FBXO47: variants seen among roughly 807,000 people sequenced by gnomAD.
FBXO47 encodes the protein F-box only protein 47.
Under a neutral mutation model 53.9 loss-of-function variants are expected in FBXO47, and 34 were observed. That is an observed-to-expected ratio of 0.63 (90% CI 0.48 to 0.84). FBXO47 has a LOEUF of 0.84. Among genes scored for constraint, FBXO47 ranks in the 40% least tolerant of loss-of-function variants. FBXO47 has a pLI of 0.00. For missense variants in FBXO47, 485 were observed against 541.3 expected (o/e 0.90, Z 1.03); for synonymous variants, 165 against 181.6 (o/e 0.91, Z 0.73).
intron 4 of FBXO47, among the ~76,000 whole-genome samples, chr17:38,956,633 C>T (rs1363058086): frequency 6.6e-6 from 1 of 151,238 alleles, no homozygotes; most frequent in African/African-American, 2.4e-5. Context: ...TCAGAAACAG[C>T]AGATACCACT....
intron 5 of FBXO47, among the ~76,000 whole-genome samples, chr17:38,952,152 C>T (rs975114693): frequency 5.9e-5 from 9 of 152,036 alleles, no homozygotes; most frequent in African/African-American, 2.4e-5. Context: ...CGGTGAAACC[C>T]CATCCCTACT....
rs1440942682 is a variant in FBXO47 at position 38,944,841 on chromosome 17, T to C, written c.793+119A>G. 7 of 768,396 alleles carry C rather than the reference T, an allele frequency of 9.1e-6. No homozygotes were observed. The Admixed American group carries it at 1.5e-4, about 16-fold the overall frequency. The allele number at this position is 768,396 out of a possible 1,614,324, so 47.6% of individuals were successfully genotyped here. On this transcript the variant is annotated intron_variant, in intron 7 of 10. Transcript: ENST00000378079. Reference sequence around the variant, plus strand: ...AGCCATGATCGCACCACTGTGTGCGTGCATGCATGTGTGTGTGTGTGTGTG... The same window carrying C: ...AGCCATGATCGCACCACTGTGTGCGCGCATGCATGTGTGTGTGTGTGTGTG...
At chr17:38,949,990 T>C (rs1905166456) in intron 6 of FBXO47, among the ~76,000 whole-genome samples, 1 of 152,198 alleles carries the variant, frequency 6.6e-6, no homozygotes, top group Admixed American at 6.6e-5. Context: ...GTTTATAGTA[T>C]ATTATTAAAT....
intron 5 of FBXO47, among the ~76,000 whole-genome samples, chr17:38,954,524 G>A (rs186293981): frequency 6.6e-6 from 1 of 151,846 alleles, no homozygotes; most frequent in African/African-American, 2.4e-5. Flanking sequence ...ACAGATACAC[G>A]CATGCACACA....
At position 38,954,822 on chromosome 17, in the gene FBXO47, T is replaced by C. The variant is rs1905468094; in HGVS notation, c.507+34A>G. ...TTCTATTTGTTATCAGTTCCAAAGG[T>C]ATCCCTTTTCTTCTCTGATTAAAAA... On this transcript the variant is annotated intron_variant, in intron 5 of 10. Transcript: ENST00000378079. 5 of 1,255,606 alleles carry C rather than the reference T, an allele frequency of 4.0e-6. No homozygotes were observed. The East Asian group carries it at 1.2e-4, about 29-fold the overall frequency. The allele number at this position is 1,255,606 out of a possible 1,614,324, so 77.8% of individuals were successfully genotyped here. A position where few individuals can be genotyped will look rare whatever the true frequency, so the allele number is the denominator to read the frequency against.
intron 7 of FBXO47, among the ~76,000 whole-genome samples, chr17:38,944,191 ATGTGTGTGTGTGTGTGTG>A (rs71141737): frequency 4.5e-5 from 6 of 133,612 alleles, no homozygotes; most frequent in Non-Finnish European, 6.3e-5. Context: ...CAAAAAAAAC[ATGTGTGTGTGTGTGTGTG>A]TGTGTGTGTG....
At chr17:38,959,863 C>T (rs1905741070) in intron 3 of FBXO47, among the ~76,000 whole-genome samples, 1 of 151,984 alleles carries the variant, frequency 6.6e-6, no homozygotes, top group Non-Finnish European at 1.5e-5. Context: ...TGTTAACATT[C>T]CTATGAGGGC....
intron 9 of FBXO47, among the ~76,000 whole-genome samples, chr17:38,941,621 TATA>T (rs1567714184): frequency 0.042 from 251 of 5,990 alleles, 1 homozygote; most frequent in African/African-American, 0.17. Context: ...AATATAATAT[TATA>T]TATATATATA....
At chr17:38,949,782 T>C (rs930177329) in intron 6 of FBXO47, among the ~76,000 whole-genome samples, 2 of 152,202 alleles carry the variant, frequency 1.3e-5, no homozygotes, top group African/African-American at 4.8e-5. Context: ...TTGCCCATGC[T>C]AGAATACTGT....
chr17:38,946,279 T>A (rs1217184273), intron 6 of FBXO47, among the ~76,000 whole-genome samples: 6 of 93,716 alleles, frequency 6.4e-5, no homozygotes, highest in South Asian at 3.6e-4. Context: ...TATATAAAAA[T>A]ATATATAAAT....
chr17:38,936,629 T>A lies in FBXO47; in HGVS notation c.*546A>T, dbSNP rs1368132996. On this transcript the variant is annotated 3_prime_UTR_variant, in exon 11 of 11. Transcript: ENST00000378079. ...TATAGACATATATGTATACTTTGTT[T>A]TTTATCCATTAGTTCATGTAAAACA... The A allele has an allele frequency of 6.6e-6, 1 of 152,256 alleles. No homozygotes were observed. The highest frequency in any genetic ancestry group is 2.4e-5 in the African/African-American group (1 of 41,410). The allele number at this position is 152,256 out of a possible 1,614,324, so 9.4% of individuals were successfully genotyped here.
At chr17:38,960,807 T>A (rs577499662) in intron 3 of FBXO47, among the ~76,000 whole-genome samples, 1 of 152,106 alleles carries the variant, frequency 6.6e-6, no homozygotes, top group South Asian at 2.1e-4. Flanking sequence ...AATTTTTGTA[T>A]CTTTAGTAGA....
intron 5 of FBXO47, among the ~76,000 whole-genome samples, chr17:38,953,416 G>A (rs975480462): frequency 6.6e-6 from 1 of 152,116 alleles, no homozygotes; most frequent in African/African-American, 2.4e-5. Context: ...CCTGAGGTCA[G>A]GAGTTTGAGA....
At position 38,962,930 on chromosome 17, in the gene FBXO47, G is replaced by A. The variant is rs367616216; in HGVS notation, c.96C>T (p.Gly32=). 9 of 1,613,246 alleles carry A rather than the reference G, an allele frequency of 5.6e-6. No individual in the cohort carries two copies. The highest frequency in any genetic ancestry group is 7.6e-6 in the Non-Finnish European group (9 of 1,179,376). The part of the protein sequence containing the change: ...RQTSCYSKTL[G]SGFQPISTFG... Reference sequence around the variant, plus strand: ...ATGTTGATATGGGTTGAAAGCCTGAGCCAAGGGTCTTGGAATAACAGCTGG... The same window carrying A: ...ATGTTGATATGGGTTGAAAGCCTGAACCAAGGGTCTTGGAATAACAGCTGG... Residue 32 remains glycine (G), a synonymous_variant, in exon 2 of 11, where the codon GGC becomes GGT. Coordinates refer to ENST00000378079, the MANE Select transcript of FBXO47 (RefSeq NM_001008777.3).
At chr17:38,937,831 C>A (rs1326059365) in intron 10 of FBXO47, among the ~76,000 whole-genome samples, 2 of 152,082 alleles carry the variant, frequency 1.3e-5, no homozygotes, top group African/African-American at 2.4e-5. Context: ...CCACGCCCAG[C>A]TAATTTTTTT....
At chr17:38,938,887 A>G (rs1265609370) in intron 9 of FBXO47, among the ~76,000 whole-genome samples, 155 bp from the exon 10 acceptor site, 2 of 152,226 alleles carry the variant, frequency 1.3e-5, no homozygotes, top group Non-Finnish European at 2.9e-5. Flanking sequence ...ATGCTCTTCT[A>G]TCTAATACTA....
chr17:38,963,938 A>T (rs1317115649), intron 1 of FBXO47, among the ~76,000 whole-genome samples: 1 of 151,000 alleles, frequency 6.6e-6, no homozygotes, highest in African/African-American at 2.4e-5. Context: ...CTGGGACTAC[A>T]GGCACAGAGC....
intron 9 of FBXO47, among the ~76,000 whole-genome samples, chr17:38,942,494 T>G (rs1904554291): frequency 6.6e-6 from 1 of 152,040 alleles, no homozygotes; most frequent in South Asian, 2.1e-4. Flanking sequence ...CTCAGGAGGC[T>G]GAGGCAGGAG....
intron 9 of FBXO47, among the ~76,000 whole-genome samples, chr17:38,939,700 G>T (rs9909888): frequency 8.5e-6 from 1 of 117,256 alleles, no homozygotes; most frequent in Non-Finnish European, 1.6e-5. Flanking sequence ...TCACTCTGTC[G>T]CCCAGGCCGG....
Sources: allele counts gnomAD v4.1 joint callset (sites outside exome capture counted in the v4.1 genomes callset), GRCh38; gene constraint gnomAD v4.1.1; transcripts MANE v1.5; gene names NCBI Gene and HGNC (gene_info 2026-07-23, HGNC 2026-07-21).